CSMD1: variants seen among roughly 807,000 people sequenced by gnomAD.
CSMD1 encodes the protein CUB and sushi domain-containing protein 1.
In CSMD1, 213 loss-of-function variants were observed where a neutral mutation model predicts 417.5. The observed-to-expected ratio is 0.51, with a 90% CI of 0.46 to 0.57. The LOEUF is 0.57. CSMD1 is among the 20% of genes least tolerant of loss of function. CSMD1 has a pLI of 0.00. For synonymous variants in CSMD1, 2,862 were observed against 1,736.8 expected (o/e 1.65, Z -16.11); for missense variants, 6,923 against 4,529.7 (o/e 1.53, Z -15.17).
At chr8:4,734,865 TG>T (rs1810127606) in intron 1 of CSMD1, among the ~76,000 whole-genome samples, 1 of 152,188 alleles carries the variant, frequency 6.6e-6, no homozygotes, top group Middle Eastern at 3.2e-3. Flanking sequence ...GAAGATTCCA[TG>T]TGTGTTTACC....
intron 3 of CSMD1, among the ~76,000 whole-genome samples, chr8:4,049,170 C>G (rs1042909771): frequency 2.0e-5 from 3 of 152,042 alleles, no homozygotes; most frequent in African/African-American, 7.2e-5. Flanking sequence ...ATTGTAACAT[C>G]AAAGAGTCTA....
At chr8:3,822,451 G>A (rs977960213) in intron 5 of CSMD1, among the ~76,000 whole-genome samples, 2 of 152,164 alleles carry the variant, frequency 1.3e-5, no homozygotes, top group African/African-American at 4.8e-5. Context: ...ATGCCACAAA[G>A]AACAATAGGT....
At chr8:4,440,863 G>A (rs1209146195) in intron 2 of CSMD1, among the ~76,000 whole-genome samples, 1 of 151,506 alleles carries the variant, frequency 6.6e-6, no homozygotes, top group African/African-American at 2.4e-5. Context: ...TGGGAGTGGG[G>A]GTGAATGCCT....
chr8:3,840,766 G>C (rs1803084009), intron 5 of CSMD1, among the ~76,000 whole-genome samples: 1 of 148,916 alleles, frequency 6.7e-6, no homozygotes. Context: ...CAGGATCTCA[G>C]TTCACTGCAA....
At chr8:4,668,428 ATTATT>A (rs1405080281) in intron 1 of CSMD1, among the ~76,000 whole-genome samples, 1 of 140,514 alleles carries the variant, frequency 7.1e-6, no homozygotes, top group Non-Finnish European at 1.5e-5. Flanking sequence ...TATTATTATT[ATTATT>A]ATTATTATTA....
At chr8:3,336,382 C>T (rs532388768) in intron 23 of CSMD1, among the ~76,000 whole-genome samples, 1 of 152,270 alleles carries the variant, frequency 6.6e-6, no homozygotes, top group South Asian at 2.1e-4. Flanking sequence ...TTTTTCATGA[C>T]CCCTGTTATA....
chr8:4,446,093 C>G (rs554694835), intron 2 of CSMD1, among the ~76,000 whole-genome samples: 11 of 152,320 alleles, frequency 7.2e-5, no homozygotes, highest in African/African-American at 2.6e-4. Flanking sequence ...TCCGTGTTCA[C>G]TGTAGACAGC....
At chr8:4,520,284 C>A (rs972124740) in intron 2 of CSMD1, among the ~76,000 whole-genome samples, 1 of 152,160 alleles carries the variant, frequency 6.6e-6, no homozygotes, top group Non-Finnish European at 1.5e-5. Flanking sequence ...TAATACTCCC[C>A]AAACTTCAGT....
At chr8:4,453,640 G>C (rs574287026) in intron 2 of CSMD1, among the ~76,000 whole-genome samples, 3 of 152,106 alleles carry the variant, frequency 2.0e-5, no homozygotes, top group East Asian at 1.9e-4. Context: ...GAACTGGCAT[G>C]TGTATCTCTA....
intron 5 of CSMD1, among the ~76,000 whole-genome samples, chr8:3,824,119 C>T (rs559327250): frequency 6.6e-5 from 10 of 152,050 alleles, no homozygotes; most frequent in African/African-American, 1.2e-4. Context: ...CATGCTATGT[C>T]GGAAGAAATA....
At chr8:4,077,862 C>G (rs1336402492) in intron 3 of CSMD1, among the ~76,000 whole-genome samples, 4 of 152,066 alleles carry the variant, frequency 2.6e-5, no homozygotes, top group Non-Finnish European at 5.9e-5. Flanking sequence ...TGCCTCCTTC[C>G]TTTCTCTGAC....
At chr8:4,771,538 A>G (rs1288012029) in intron 1 of CSMD1, among the ~76,000 whole-genome samples, 1 of 152,228 alleles carries the variant, frequency 6.6e-6, no homozygotes, top group Non-Finnish European at 1.5e-5. Context: ...GTTTGCTGCT[A>G]GGCATTTTCC....
chr8:4,161,918 C>A (rs185147439), intron 3 of CSMD1, among the ~76,000 whole-genome samples: 3 of 152,224 alleles, frequency 2.0e-5, no homozygotes, highest in African/African-American at 4.8e-5. Context: ...CAGTTCATAT[C>A]CCTTTCGTTT....
chr8:3,852,693 C>G (rs985094925), intron 5 of CSMD1, among the ~76,000 whole-genome samples: 12 of 151,808 alleles, frequency 7.9e-5, no homozygotes, highest in Non-Finnish European at 1.2e-4. Context: ...TGGGGAGGAG[C>G]CTTTGGAGGC....
intron 7 of CSMD1, among the ~76,000 whole-genome samples, chr8:3,670,165 G>T (rs376333326): frequency 5.0e-4 from 76 of 152,098 alleles, no homozygotes; most frequent in Non-Finnish European, 2.9e-5. Context: ...TGAGTCAATG[G>T]ATCAGGGAAG....
At chr8:4,876,588 T>C (rs1015798266) in intron 1 of CSMD1, among the ~76,000 whole-genome samples, 1 of 152,158 alleles carries the variant, frequency 6.6e-6, no homozygotes, top group Admixed American at 6.5e-5. Context: ...ATTCATAATA[T>C]AGCCTTTTTT....
chr8:4,628,119 G>GTA (rs973264025), intron 2 of CSMD1, among the ~76,000 whole-genome samples: 1 of 123,510 alleles, frequency 8.1e-6, no homozygotes, highest in African/African-American at 2.7e-5. Context: ...ACTTCTGTGT[G>GTA]TGTGTATATA....
At chr8:4,306,663 G>T (rs1394476) in intron 3 of CSMD1, among the ~76,000 whole-genome samples, 1 of 151,734 alleles carries the variant, frequency 6.6e-6, no homozygotes, top group African/African-American at 2.4e-5. Flanking sequence ...ATCACATGTA[G>T]GTGATTGTAC....
intron 2 of CSMD1, among the ~76,000 whole-genome samples, chr8:4,510,272 G>C (rs777830976): frequency 5.9e-5 from 9 of 151,462 alleles, no homozygotes; most frequent in Non-Finnish European, 1.2e-4. Flanking sequence ...ACCAAGTCTT[G>C]GGTATGTCTT....
Sources: gnomAD v4.1 joint callset for allele counts (sites outside exome capture counted in the v4.1 genomes callset) on GRCh38, gnomAD v4.1.1 for gene constraint, MANE v1.5 for transcripts, NCBI Gene and HGNC (gene_info 2026-07-23, HGNC 2026-07-21) for gene names.